BICRAL: variants seen among roughly 807,000 people sequenced by gnomAD.
BICRAL encodes the protein BRD4-interacting chromatin-remodeling complex-associated protein-like.
Under a neutral mutation model 91.8 loss-of-function variants are expected in BICRAL, and 8 were observed. That is an observed-to-expected ratio of 0.09 (90% CI 0.05 to 0.16). The LOEUF is 0.16. Among genes scored for constraint, BICRAL ranks in the 10% least tolerant of loss-of-function variants. BICRAL has a pLI of 1.00. For synonymous variants in BICRAL, 445 were observed against 491.1 expected (o/e 0.91, Z 1.24); for missense variants, 1,038 against 1,310.9 (o/e 0.79, Z 3.21).
At chr6:42,785,425 G>A (rs986521551) in intron 1 of BICRAL, among the ~76,000 whole-genome samples, 8 of 151,926 alleles carry the variant, frequency 5.3e-5, no homozygotes, top group Non-Finnish European at 1.2e-4. Context: ...GCCGAGTGTG[G>A]TGGCAGGTGC....
chr6:42,867,122 G>A lies in BICRAL; in HGVS notation c.*1676G>A, dbSNP rs1236378947. The A allele has an allele frequency of 7.8e-6, 2 of 255,796 alleles. No homozygotes were observed. The highest frequency in any genetic ancestry group is 2.2e-5 in the African/African-American group (1 of 44,674). The allele number at this position is 255,796 out of a possible 1,614,324, so 15.8% of individuals were successfully genotyped here. On this transcript the variant is annotated 3_prime_UTR_variant, in exon 13 of 13. Coordinates refer to ENST00000314073, the MANE Select transcript of BICRAL (RefSeq NM_001393499.1). ...TTCTGGCTGTCGCCAACATGGGGAT[G>A]ACCCCCATTGTCATCATGTTGGGCA...
rs1456045167 is a variant in BICRAL, at chr6:42,756,897, TC to T, written c.-261+9875del. Reference sequence around the variant, plus strand: ...CTCTCGCGCGCGCGCTCTCTCTCTCTCTCTCTCTCTCTCTCTCCCTCTCCCC... The same window carrying T: ...CTCTCGCGCGCGCGCTCTCTCTCTCTTCTCTCTCTCTCTCTCCCTCTCCCC... On this transcript the variant is annotated intron_variant, in intron 1 of 14. Coordinates refer to the BICRAL transcript ENST00000614467. 2.0e-4 allele frequency among the ~76,000 whole-genome samples: 18 copies of T among 90,480 alleles called. 2 individuals are homozygous for T. The highest frequency in any genetic ancestry group is 2.2e-4 in the African/African-American group (5 of 22,514). The allele number at this position is 90,480 out of a possible 152,430, so 59.4% of individuals were successfully genotyped here.
chr6:42,806,138 G>A (rs1166949678), intron 1 of BICRAL, among the ~76,000 whole-genome samples: 1 of 152,228 alleles, frequency 6.6e-6, no homozygotes, highest in Non-Finnish European at 1.5e-5. Context: ...CAGTCAGGTT[G>A]CCAAGATAAC....
At chr6:42,814,745 G>T (rs1015159766) in intron 2 of BICRAL, among the ~76,000 whole-genome samples, 1 of 143,108 alleles carries the variant, frequency 7.0e-6, no homozygotes, top group Non-Finnish European at 1.5e-5. Flanking sequence ...GGCTGGTCTC[G>T]AACTCCTGAC....
At chr6:42,817,967 T>TA (rs11396430) in intron 2 of BICRAL, among the ~76,000 whole-genome samples, 51,571 of 106,908 alleles carry the variant, frequency 0.48, 12,210 homozygotes, top group African/African-American at 0.63. Context: ...ACCCTATCTC[T>TA]AAAAAAAAAA....
chr6:42,859,777 G>A (rs1281559764), intron 10 of BICRAL, among the ~76,000 whole-genome samples: 1 of 151,990 alleles, frequency 6.6e-6, no homozygotes, highest in East Asian at 1.9e-4. Flanking sequence ...GAGTAGCTGG[G>A]ACTAGAGGTG....
chr6:42,801,100 A>G (rs1198282036), intron 1 of BICRAL, among the ~76,000 whole-genome samples: 1 of 151,882 alleles, frequency 6.6e-6, no homozygotes, highest in Non-Finnish European at 1.5e-5. Context: ...TAAAAATACA[A>G]AATTAGCCAG....
At chr6:42,788,441 C>T (rs748643169) in intron 1 of BICRAL, among the ~76,000 whole-genome samples, 5 of 151,936 alleles carry the variant, frequency 3.3e-5, no homozygotes, top group Non-Finnish European at 5.9e-5. Flanking sequence ...AGGCTGGTCT[C>T]GAACTCCTGA....
At position 42,852,161 on chromosome 6, in the gene BICRAL, G is replaced by A; in HGVS notation, c.1909G>A (p.Ala637Thr). ...CAAGACCACAGACGGCCTGAGGCAA[G>A]CACAGATCCCTGGGCTCTTGAGCAC... is the stretch of plus-strand genomic sequence containing the variant. ...APKTTDGLRQ[A>T]QIPGLLSTTL... is the part of the protein sequence containing the mutation. Residue 637 changes from alanine to threonine, a missense_variant, in exon 7 of 13, where the codon GCA (alanine) becomes ACA (threonine). By Grantham distance (58) the Ala-to-Thr change is moderately conservative. This residue lies in a region of BICRAL where 532 missense variants were observed against 724.9 expected (regional missense o/e 0.73). Coordinates refer to ENST00000314073, the MANE Select transcript of BICRAL (RefSeq NM_001393499.1). 1 of 1,613,476 alleles carries A rather than the reference G, an allele frequency of 6.2e-7. No individual in the cohort carries two copies. Among genetic ancestry groups the A allele is most frequent in the Non-Finnish European group, 8.5e-7 (1 of 1,179,412 alleles).
chr6:42,830,806 G>A (rs1764454010), intron 6 of BICRAL, among the ~76,000 whole-genome samples: 1 of 152,014 alleles, frequency 6.6e-6, no homozygotes, highest in South Asian at 2.1e-4. Flanking sequence ...TTGTAGATTT[G>A]GGGTTTCGCC....
In BICRAL at chr6:42,866,934, G is replaced by A. The variant is rs865973061; in HGVS notation, c.*1488G>A. The A allele has an allele frequency of 1.5e-5, 7 of 453,632 alleles. No homozygotes were observed. Among genetic ancestry groups the A allele is most frequent in the Admixed American group, 7.1e-5 (3 of 42,338 alleles). 28.1% of individuals were successfully genotyped at this position (453,632 alleles called of 1,614,324 possible). ...ACTCTTCTCCCACACATACACACAC[G>A]TGCATGTATCTGAGCTGCTCGGATC... On this transcript the variant is annotated 3_prime_UTR_variant, in exon 13 of 13. Coordinates refer to ENST00000314073, the MANE Select transcript of BICRAL (RefSeq NM_001393499.1).
At chr6:42,831,473 C>T (rs558204035) in intron 6 of BICRAL, among the ~76,000 whole-genome samples, 4 of 152,280 alleles carry the variant, frequency 2.6e-5, no homozygotes, top group African/African-American at 9.6e-5. Flanking sequence ...CTTGGTAAAC[C>T]ACATAAGGAT....
At chr6:42,791,112 T>C (rs3737097) in intron 1 of BICRAL, among the ~76,000 whole-genome samples, 72,231 of 151,546 alleles carry the variant, frequency 0.48, 18,868 homozygotes, top group African/African-American at 0.7. Flanking sequence ...AGGTGGAGGA[T>C]GAAAGAGGAC....
chr6:42,767,014 T>C (rs1762646082), intron 1 of BICRAL, among the ~76,000 whole-genome samples: 1 of 144,524 alleles, frequency 6.9e-6, no homozygotes, highest in African/African-American at 2.6e-5. Context: ...TACTCCAGCC[T>C]GGGCAACAGA....
chr6:42,750,551 A>G (rs771964441), intron 1 of BICRAL, among the ~76,000 whole-genome samples: 20 of 152,126 alleles, frequency 1.3e-4, no homozygotes, highest in Non-Finnish European at 1.0e-4. Flanking sequence ...GCCAGTCTAT[A>G]TTCACATCTG....
intron 1 of BICRAL, among the ~76,000 whole-genome samples, chr6:42,791,406 GTC>G (rs1763268909): frequency 1.3e-5 from 2 of 152,120 alleles, no homozygotes; most frequent in African/African-American, 4.8e-5. Flanking sequence ...AAAGCCCTGA[GTC>G]TGAGAATGTG....
intron 6 of BICRAL, among the ~76,000 whole-genome samples, chr6:42,848,163 A>T (rs963047745): frequency 6.6e-6 from 1 of 151,440 alleles, no homozygotes; most frequent in Non-Finnish European, 1.5e-5. Context: ...AGAAAAAGAA[A>T]ATCGCTTGAA....
intron 6 of BICRAL, among the ~76,000 whole-genome samples, chr6:42,850,013 G>T (rs1229983212): frequency 1.3e-5 from 2 of 151,668 alleles, no homozygotes; most frequent in Non-Finnish European, 2.9e-5. Flanking sequence ...CTCCAGCTTG[G>T]GTGACAGAGT....
At chr6:42,747,518 T>C (rs949547379) in intron 1 of BICRAL, among the ~76,000 whole-genome samples, 1 of 152,174 alleles carries the variant, frequency 6.6e-6, no homozygotes, top group Admixed American at 6.5e-5. Context: ...CACGCCCCAC[T>C]CTCTTCCTTT....
Sources: gnomAD v4.1 joint callset for allele counts (sites outside exome capture counted in the v4.1 genomes callset) on GRCh38, gnomAD v4.1.1 for gene constraint, gnomAD v4.1.1 regional missense constraint, MANE v1.5 for transcripts, NCBI Gene and HGNC (gene_info 2026-07-23, HGNC 2026-07-21) for gene names.